The following XPR1 variants were observed in gnomAD, a reference collection of about 807,000 sequenced individuals.
XPR1 encodes solute carrier family 53 member 1.
Under a neutral mutation model 87.5 loss-of-function variants are expected in XPR1, and 28 were observed. That is an observed-to-expected ratio of 0.32 (90% confidence interval 0.24 to 0.44). The LOEUF is 0.44. Among genes scored for constraint, XPR1 ranks in the 20% least tolerant of loss-of-function variants. The pLI, the probability that XPR1 is intolerant of heterozygous loss-of-function variation, is 1.00. For missense variants in XPR1, 559 were observed against 862.3 expected (o/e 0.65, Z 4.41); for synonymous variants, 300 against 306.1 (o/e 0.98, Z 0.21).
At chr1:180,633,191 A>G (rs1654652274) in intron 1 of XPR1, among the ~76,000 whole-genome samples, 2 of 152,208 alleles carry the variant, frequency 1.3e-5, no homozygotes, top group Non-Finnish European at 2.9e-5. Flanking sequence ...TACATTAATA[A>G]AGGGAAAAAT....
rs143609494 is a variant in XPR1, at chr1:180,719,587, G to A, written c.121+37176G>A. On this transcript the variant is annotated intron_variant, in intron 2 of 14. Coordinates refer to ENST00000367590, the MANE Select transcript of XPR1 (RefSeq NM_004736.4). ...CTGGCTTTGGTATTTTCTTTTTTCC[G>A]CCTTCTTTTATTTTTAGTTGATACT... Among the ~76,000 whole-genome samples, 769 of 151,938 alleles carry A rather than the reference G, an allele frequency of 5.1e-3. 3 individuals carry two copies. The highest frequency in any genetic ancestry group is 7.2e-3 in the Non-Finnish European group (486 of 67,962).
At chr1:180,744,668 T>TTTTTTTTTTTTTG (rs1553243748) in intron 2 of XPR1, among the ~76,000 whole-genome samples, 3 of 147,318 alleles carry the variant, frequency 2.0e-5, no homozygotes, top group East Asian at 4.0e-4. Flanking sequence ...TTTTTTTTTT[T>TTTTTTTTTTTTTG]GAGACAGAAT....
intron 2 of XPR1, among the ~76,000 whole-genome samples, chr1:180,748,217 C>G (rs1647349280): frequency 6.6e-6 from 1 of 151,872 alleles, no homozygotes; most frequent in Non-Finnish European, 1.5e-5. Flanking sequence ...TTGGAGCTGG[C>G]TTATACCAGC....
chr1:180,810,528 G>A (rs374141285), intron 6 of XPR1, among the ~76,000 whole-genome samples: 2 of 151,734 alleles, frequency 1.3e-5, no homozygotes, highest in East Asian at 1.9e-4. Context: ...TCAGTAAGCT[G>A]TGATCACACC....
rs1392032353 is a variant in XPR1 at position 180,640,681 on chromosome 1, G to A, written c.69+8411G>A. Among the ~76,000 whole-genome samples the A allele has an allele frequency of 2.0e-5, 3 of 152,116 alleles. No individual in the cohort carries two copies. The East Asian group carries it at 5.8e-4, about 29-fold the overall frequency. On this transcript the variant is annotated intron_variant, in intron 1 of 14. Coordinates refer to ENST00000367590, the MANE Select transcript of XPR1 (RefSeq NM_004736.4). Reference sequence around the variant, plus strand: ...GGTCTGTAGGATAGTGTTCACCTCTGTTAAATTATATTTCCCTCAAGGTTA... The same window carrying A: ...GGTCTGTAGGATAGTGTTCACCTCTATTAAATTATATTTCCCTCAAGGTTA...
At chr1:180,650,748 A>G (rs374317248) in intron 1 of XPR1, among the ~76,000 whole-genome samples, 12 of 152,144 alleles carry the variant, frequency 7.9e-5, no homozygotes, top group Non-Finnish European at 1.3e-4. Flanking sequence ...ATTTGTTGCA[A>G]TTGAGCCTTT....
At chr1:180,684,060 G>A (rs542431903) in intron 2 of XPR1, among the ~76,000 whole-genome samples, 2 of 152,256 alleles carry the variant, frequency 1.3e-5, no homozygotes, top group East Asian at 3.9e-4. Context: ...TGAATTACCG[G>A]TATTGCCTAG....
At chr1:180,853,155 T>C (rs2102192613) in intron 11 of XPR1, among the ~76,000 whole-genome samples, 1 of 152,304 alleles carries the variant, frequency 6.6e-6, no homozygotes, top group South Asian at 2.1e-4. Context: ...CTTGAACTCC[T>C]GACCTCAAGT....
At chr1:180,855,679 TG>T (rs1652005043) in intron 11 of XPR1, among the ~76,000 whole-genome samples, 1 of 140,924 alleles carries the variant, frequency 7.1e-6, no homozygotes, top group African/African-American at 2.6e-5. Context: ...AAAAAAAAAG[TG>T]GGGGGAGGGG....
At chr1:180,831,472 G>A (rs1157912847) in intron 9 of XPR1, among the ~76,000 whole-genome samples, 1 of 144,514 alleles carries the variant, frequency 6.9e-6, no homozygotes, top group Non-Finnish European at 1.5e-5. Context: ...AGGTATACAT[G>A]TGCCATGGTG....
At chr1:180,730,807 T>C (rs903925628) in intron 2 of XPR1, among the ~76,000 whole-genome samples, 10 of 151,344 alleles carry the variant, frequency 6.6e-5, no homozygotes, top group African/African-American at 2.2e-4. Context: ...GGACCATAAG[T>C]GTTCACCACC....
intron 11 of XPR1, among the ~76,000 whole-genome samples, chr1:180,858,906 A>G (rs1258217569): frequency 6.6e-6 from 1 of 152,188 alleles, no homozygotes; most frequent in African/African-American, 2.4e-5. Flanking sequence ...GACAGTATTA[A>G]TCTGACAATT....
intron 7 of XPR1, among the ~76,000 whole-genome samples, chr1:180,820,884 C>A (rs1010703681): frequency 6.6e-6 from 1 of 152,070 alleles, no homozygotes; most frequent in Admixed American, 6.5e-5. Flanking sequence ...AAATGTCTAT[C>A]CAGGTTCTTA....
chr1:180,637,064 A>AT (rs1215078627), intron 1 of XPR1, among the ~76,000 whole-genome samples: 1 of 146,128 alleles, frequency 6.8e-6, no homozygotes, highest in African/African-American at 2.7e-5. Flanking sequence ...AAAAAAAAAA[A>AT]AAAAAAAGGA....
intron 2 of XPR1, among the ~76,000 whole-genome samples, chr1:180,696,885 T>A (rs986821511): frequency 1.3e-5 from 2 of 152,302 alleles, no homozygotes; most frequent in South Asian, 4.1e-4. Context: ...GGATTTTGTT[T>A]GTTAATATTT....
rs1648558429 is a variant in XPR1 at position 180,772,611 on chromosome 1, A to G, written c.122-15142A>G. ...TGTTATGGAAGGGACCAAGTGGGAG[A>G]TGATTGAATCTTGAGGGCAGGTCTT... On this transcript the variant is annotated intron_variant, in intron 2 of 14. Coordinates refer to ENST00000367590, the MANE Select transcript of XPR1 (RefSeq NM_004736.4). Among the ~76,000 whole-genome samples, 4 of 152,126 alleles carry G rather than the reference A, an allele frequency of 2.6e-5. 1 individual carries two copies. The South Asian group carries it at 8.3e-4, about 31-fold the overall frequency.
At chr1:180,667,616 A>G (rs993403912) in intron 1 of XPR1, among the ~76,000 whole-genome samples, 1 of 152,222 alleles carries the variant, frequency 6.6e-6, no homozygotes, top group African/African-American at 2.4e-5. Context: ...CTGGCCTCAT[A>G]GCATGAGTTA....
chr1:180,703,724 A>G (rs1053806581), intron 2 of XPR1, among the ~76,000 whole-genome samples: 1 of 152,138 alleles, frequency 6.6e-6, no homozygotes, highest in Non-Finnish European at 1.5e-5. Flanking sequence ...ATATATTGTG[A>G]TTGATTAGTA....
intron 2 of XPR1, among the ~76,000 whole-genome samples, chr1:180,736,028 A>G (rs1046631962): frequency 3.9e-5 from 6 of 152,222 alleles, no homozygotes; most frequent in South Asian, 2.1e-4. Context: ...CATGGAGTCT[A>G]TAACCTCATT....
Sources: allele counts gnomAD v4.1 joint callset (sites outside exome capture counted in the v4.1 genomes callset), GRCh38; gene constraint gnomAD v4.1.1; transcripts MANE v1.5; gene names NCBI Gene and HGNC (gene_info 2026-07-23, HGNC 2026-07-21).